SNAP29: variants seen among roughly 807,000 people sequenced by gnomAD.
SNAP29 encodes the protein synaptosomal-associated protein 29.
A neutral mutation model predicts 27.9 loss-of-function variants in SNAP29; 13 were observed. That is an observed-to-expected ratio of 0.47 (90% confidence interval 0.30 to 0.74). SNAP29 has a LOEUF of 0.74. Ranked by LOEUF, SNAP29 falls within the 30% of genes least tolerant of loss-of-function variation. The pLI, the probability that SNAP29 is intolerant of heterozygous loss-of-function variation, is 0.06. For synonymous variants in SNAP29, 119 were observed against 127.1 expected (o/e 0.94, Z 0.43); for missense variants, 368 against 336.5 (o/e 1.09, Z -0.73).
intron 2 of SNAP29, among the ~76,000 whole-genome samples, chr22:20,880,066 G>A (rs1322604331): frequency 6.6e-6 from 1 of 151,916 alleles, no homozygotes; most frequent in South Asian, 2.1e-4. Context: ...GGTAATATAA[G>A]TGCACTAATG....
chr22:20,866,300 C>T (rs999829442), intron 1 of SNAP29, among the ~76,000 whole-genome samples: 1 of 152,222 alleles, frequency 6.6e-6, no homozygotes, highest in African/African-American at 2.4e-5. Context: ...GTCAGAGCCC[C>T]GGGTTTGAGC....
chr22:20,870,707 T>C, intron 2 of SNAP29, 174 bp downstream of exon 2: 1 of 684,404 alleles, frequency 1.5e-6, no homozygotes, highest in South Asian at 1.6e-5. Context: ...TCTTCCCTGA[T>C]CCCATGTTCA....
Position 20,887,698 on chromosome 22 carries a change from G to C in SNAP29, c.639G>C (p.Leu213=). The change falls in exon 5 of 5, where the codon CTG becomes CTC. Residue 213 remains leucine (L), a synonymous_variant. Transcript: ENST00000215730. ...DSNLDELSMG[L]GRLKDIALGM... ...CTGCAGATGAGCTGTCCATGGGACT[G>C]GGTCGTCTGAAGGACATAGCCCTGG... 1 of 1,614,184 alleles carries C rather than the reference G, an allele frequency of 6.2e-7. No individual in the cohort carries two copies. The highest frequency in any genetic ancestry group is 1.3e-5 in the African/African-American group (1 of 75,050).
chr22:20,863,123 AGAT>A (rs1928368630), intron 1 of SNAP29, among the ~76,000 whole-genome samples: 1 of 152,152 alleles, frequency 6.6e-6, no homozygotes, highest in South Asian at 2.1e-4. Context: ...TCCTGAGCTC[AGAT>A]GATCTGCACA....
intron 1 of SNAP29, among the ~76,000 whole-genome samples, chr22:20,860,580 A>AG (rs955903345): frequency 6.6e-6 from 1 of 151,794 alleles, no homozygotes; most frequent in African/African-American, 2.4e-5. Flanking sequence ...CCCGTTGGCC[A>AG]GGCTGGTCTG....
intron 2 of SNAP29, among the ~76,000 whole-genome samples, chr22:20,878,744 A>G (rs1338959730): frequency 6.6e-6 from 1 of 152,194 alleles, no homozygotes; most frequent in Admixed American, 6.5e-5. Flanking sequence ...CGAAGTGGTC[A>G]GGCTGCTGTT....
chr22:20,861,921 C>T (rs1007345417), intron 1 of SNAP29, among the ~76,000 whole-genome samples: 3 of 152,222 alleles, frequency 2.0e-5, no homozygotes, highest in Non-Finnish European at 4.4e-5. Context: ...GCGTGAGCGA[C>T]CACACCTGGC....
intron 1 of SNAP29, among the ~76,000 whole-genome samples, chr22:20,866,541 G>A (rs566376414): frequency 1.3e-4 from 20 of 152,288 alleles, no homozygotes; most frequent in South Asian, 2.1e-4. Flanking sequence ...GGGAGGTCTC[G>A]GTCACGGAAG....
In SNAP29 at chr22:20,863,217, G is replaced by C. The variant is rs376634001; in HGVS notation, c.237+3870G>C. Among the ~76,000 whole-genome samples, 203 of 152,258 alleles carry C rather than the reference G, an allele frequency of 1.3e-3. 5 individuals carry two copies. The South Asian group carries it at 0.037, about 28-fold the overall frequency. ...TCACTCTTTCATTCCCTTTGGTGTT[G>C]GGATGGGAACAGAGGAGTATGAGCT... is the stretch of plus-strand genomic sequence containing the variant. On this transcript the variant is annotated intron_variant, in intron 1 of 4. Coordinates refer to ENST00000215730, the MANE Select transcript of SNAP29 (RefSeq NM_004782.4).
rs552158394 is a variant in SNAP29 at position 20,874,147 on chromosome 22, C to T, written c.434+3614C>T. On this transcript the variant is annotated intron_variant, in intron 2 of 4. Coordinates refer to ENST00000215730, the MANE Select transcript of SNAP29 (RefSeq NM_004782.4). ...AATATTATCCGGGTGTGGTGGCGGG[C>T]GCCTGTGGTCCCAGCTACTCGGGAG... is the stretch of plus-strand genomic sequence containing the variant. Among the ~76,000 whole-genome samples, 7 of 148,274 alleles carry T rather than the reference C, an allele frequency of 4.7e-5. No individual in the cohort carries two copies. In the South Asian group the frequency reaches 1.3e-3, roughly 27 times the overall value.
chr22:20,861,893 A>G (rs1928331368), intron 1 of SNAP29, among the ~76,000 whole-genome samples: 1 of 152,096 alleles, frequency 6.6e-6, no homozygotes, highest in African/African-American at 2.4e-5. Flanking sequence ...TTGGCCTCCC[A>G]AAGTGTTGGG....
chr22:20,887,570 C>G (rs2147874592), intron 4 of SNAP29, 109 bp from the exon 5 acceptor site: 2 of 1,196,410 alleles, frequency 1.7e-6, no homozygotes, highest in East Asian at 4.7e-5. Context: ...GTGCAGTCCC[C>G]CCAGGCAACA....
At chr22:20,873,318 C>T (rs889313539) in intron 2 of SNAP29, among the ~76,000 whole-genome samples, 1 of 151,984 alleles carries the variant, frequency 6.6e-6, no homozygotes, top group Non-Finnish European at 1.5e-5. Flanking sequence ...ACTGCAGAGC[C>T]GTTTTTTTTA....
At chr22:20,869,067 G>A (rs1038976590) in intron 1 of SNAP29, among the ~76,000 whole-genome samples, 10 of 152,040 alleles carry the variant, frequency 6.6e-5, no homozygotes, top group Non-Finnish European at 1.0e-4. Flanking sequence ...GAGACCAGCC[G>A]GGCCAACATG....
In SNAP29 at chr22:20,888,341, ACACACACACACACACT is replaced by A. The variant is rs755038603; in HGVS notation, c.*507_*522del. 279 of 184,708 alleles carry A rather than the reference ACACACACACACACACT, an allele frequency of 1.5e-3. 1 individual carries two copies. The highest frequency in any genetic ancestry group is 5.4e-3 in the South Asian group (66 of 12,180). 11.4% of individuals were successfully genotyped at this position (184,708 alleles called of 1,614,324 possible). On this transcript the variant is annotated 3_prime_UTR_variant, in exon 5 of 5. Transcript: ENST00000215730. The stretch of plus-strand genomic sequence containing the variant: ...CACACACACACACACACACACACAC[ACACACACACACACACT>A]CTCTGAGCACATTATCTGTGATTCT...
At chr22:20,862,106 C>T (rs902113790) in intron 1 of SNAP29, among the ~76,000 whole-genome samples, 2 of 152,218 alleles carry the variant, frequency 1.3e-5, no homozygotes, top group Admixed American at 6.5e-5. Flanking sequence ...GTAGTTCTTA[C>T]ATCTCATACC....
At chr22:20,869,324 A>G (rs1319880520) in intron 1 of SNAP29, among the ~76,000 whole-genome samples, 1 of 152,164 alleles carries the variant, frequency 6.6e-6, no homozygotes, top group Non-Finnish European at 1.5e-5. Context: ...TTTAGGGAAG[A>G]TGTCTGGGAA....
At chr22:20,862,671 T>A (rs1041869696) in intron 1 of SNAP29, among the ~76,000 whole-genome samples, 2 of 152,176 alleles carry the variant, frequency 1.3e-5, no homozygotes, top group South Asian at 2.1e-4. Context: ...AGAGTGGCAC[T>A]TCAGGCATAT....
At chr22:20,876,712 C>T (rs1379313981) in intron 2 of SNAP29, among the ~76,000 whole-genome samples, 2 of 152,032 alleles carry the variant, frequency 1.3e-5, no homozygotes, top group Non-Finnish European at 2.9e-5. Flanking sequence ...GGACTACAGG[C>T]ACCCGCCACC....
Sources: allele counts gnomAD v4.1 joint callset (sites outside exome capture counted in the v4.1 genomes callset), GRCh38; gene constraint gnomAD v4.1.1; transcripts MANE v1.5; gene names NCBI Gene and HGNC (gene_info 2026-07-23, HGNC 2026-07-21).